The following MYO1H variants were observed in gnomAD, a reference collection of about 807,000 sequenced individuals.
The protein encoded by MYO1H is unconventional myosin-Ih.
In MYO1H, 118 loss-of-function variants were observed where a neutral mutation model predicts 149.3. The ratio of observed to expected loss-of-function variants is 0.79; its 90% confidence interval spans 0.68 to 0.92. The LOEUF is 0.92. Ranked by LOEUF, MYO1H falls within the 40% of genes least tolerant of loss-of-function variation. MYO1H has a pLI of 0.00. For synonymous variants in MYO1H, 447 were observed against 465.2 expected (o/e 0.96, Z 0.50); for missense variants, 1,212 against 1,280.7 (o/e 0.95, Z 0.82).
At chr12:109,350,361 T>C (rs1868439121) in intron 1 of MYO1H, among the ~76,000 whole-genome samples, 1 of 152,106 alleles carries the variant, frequency 6.6e-6, no homozygotes, top group African/African-American at 2.4e-5. Context: ...CGGTGGGAGA[T>C]TATCGAATCA....
At chr12:109,319,509 G>A in the MYO1H span, among the ~76,000 whole-genome samples, 1 of 152,228 alleles carries the variant, frequency 6.6e-6, no homozygotes, top group Non-Finnish European at 1.5e-5. Flanking sequence ...TGCACAAGGT[G>A]AATGTAACAC....
rs755042189 is a variant in MYO1H, at chr12:109,403,966, A to G, written c.751-16A>G. 12 of 1,601,002 alleles carry G rather than the reference A, an allele frequency of 7.5e-6. No individual in the cohort carries two copies. Among genetic ancestry groups the G allele is most frequent in the African/African-American group, 4.0e-5 (3 of 74,664 alleles). On this transcript the variant is annotated splice_polypyrimidine_tract_variant and intron_variant, in intron 6 of 31. Transcript: ENST00000310903. ...TATAAAAATGACATTAAGTGACTCA[A>G]ACTTTTTGTCAACAGGGTCATTGTG...
Position 109,436,557 on chromosome 12 carries a change from GTAAGAA to G in MYO1H, c.2209+3_2209+8del. On this transcript the variant is annotated splice_donor_variant and splice_donor_5th_base_variant and intron_variant, in intron 22 of 31. Coordinates refer to ENST00000310903, the Ensembl canonical transcript of MYO1H. LOFTEE classifies it high-confidence loss of function. ...GAATACGTGAAAAAAAGACAAGCAG[GTAAGAA>G]TTAAATAGAAACAAATAAGTTTGCT... The G allele has an allele frequency of 6.2e-7, 1 of 1,601,458 alleles. No homozygotes were observed. The highest frequency in any genetic ancestry group is 8.5e-7 in the Non-Finnish European group (1 of 1,172,962).
the MYO1H span, among the ~76,000 whole-genome samples, chr12:109,324,743 T>C: frequency 6.6e-6 from 1 of 152,124 alleles, no homozygotes. Flanking sequence ...CAGGATACGT[T>C]TGCAGAATGT....
chr12:109,361,876 G>C (rs1244372806), intron 1 of MYO1H, among the ~76,000 whole-genome samples: 2 of 149,240 alleles, frequency 1.3e-5, no homozygotes, highest in Non-Finnish European at 3.0e-5. Flanking sequence ...ATGCTTTGCT[G>C]TGCAACACTA....
intron 13 of MYO1H, 126 bp from the exon 14 acceptor site, chr12:109,411,768 A>G: frequency 1.6e-6 from 1 of 622,454 alleles, no homozygotes; most frequent in Non-Finnish European, 2.8e-6. Context: ...CAGAATGTTC[A>G]CCTGCACTTA....
At chr12:109,390,190 A>G (rs1240209112) in intron 2 of MYO1H, among the ~76,000 whole-genome samples, 3 of 149,022 alleles carry the variant, frequency 2.0e-5, no homozygotes, top group African/African-American at 7.4e-5. Context: ...TTGGAGAACG[A>G]TTTTAGCGTA....
the MYO1H span, among the ~76,000 whole-genome samples, chr12:109,313,271 CA>C: frequency 6.6e-6 from 1 of 151,972 alleles, no homozygotes; most frequent in Admixed American, 6.6e-5. Context: ...AAAAAAACCC[CA>C]CAAGTTCTCA....
At chr12:109,329,286 G>A in the MYO1H span, among the ~76,000 whole-genome samples, 1 of 152,130 alleles carries the variant, frequency 6.6e-6, no homozygotes, top group African/African-American at 2.4e-5. Context: ...ATTGTCCACG[G>A]CTGCTTTTCA....
intron 13 of MYO1H, 21 bp downstream of exon 13, chr12:109,410,789 A>G (rs756536653): frequency 1.7e-5 from 25 of 1,431,398 alleles, no homozygotes; most frequent in Non-Finnish European, 2.2e-5. Flanking sequence ...TGAATGTTGC[A>G]TTAGAGCTAT....
chr12:109,323,504 C>T, the MYO1H span, among the ~76,000 whole-genome samples: 1 of 152,332 alleles, frequency 6.6e-6, no homozygotes, highest in South Asian at 2.1e-4. Flanking sequence ...AGCCCTGTTT[C>T]TCAAACTTGC....
chr12:109,397,174 C>T (rs566846900), intron 4 of MYO1H, among the ~76,000 whole-genome samples: 2 of 152,172 alleles, frequency 1.3e-5, no homozygotes, highest in East Asian at 1.9e-4. Context: ...AAAAAACACA[C>T]AGCAGAATTA....
At chr12:109,440,546 G>C (rs1366048661) in intron 24 of MYO1H, 198 bp from the exon 25 acceptor site, 1 of 553,720 alleles carries the variant, frequency 1.8e-6, no homozygotes, top group Non-Finnish European at 3.3e-6. Flanking sequence ...ATTCAAGTTT[G>C]AGAATCATTC....
chr12:109,442,376 C>A, intron 27 of MYO1H, 104 bp downstream of exon 27: 3 of 849,870 alleles, frequency 3.5e-6, no homozygotes, highest in Non-Finnish European at 3.9e-6. Flanking sequence ...TGCAGGGGTG[C>A]AGCTGGGCAG....
chr12:109,414,429 A>T lies in MYO1H; in HGVS notation c.1503-1097A>T, dbSNP rs983252464. 3.4e-4 allele frequency among the ~76,000 whole-genome samples: 51 copies of T among 148,654 alleles called. No individual in the cohort carries two copies. In the Admixed American group the frequency reaches 3.5e-3, roughly 10 times the overall value. On this transcript the variant is annotated intron_variant, in intron 14 of 31. Transcript: ENST00000310903. ...GAGGTGGAGGTTGCAGTAAGCCGAGATCACACCACTGCACTCCCGCCTGGG... is the reference window on the plus strand; with the variant it reads ...GAGGTGGAGGTTGCAGTAAGCCGAGTTCACACCACTGCACTCCCGCCTGGG...
intron 15 of MYO1H, among the ~76,000 whole-genome samples, chr12:109,417,855 G>T (rs950435494): frequency 6.6e-6 from 1 of 151,096 alleles, no homozygotes; most frequent in East Asian, 2.0e-4. Flanking sequence ...TCGCTCTGTC[G>T]CCCAGACTGG....
chr12:109,424,359 G>T (rs574670536), intron 16 of MYO1H, among the ~76,000 whole-genome samples: 1 of 152,238 alleles, frequency 6.6e-6, no homozygotes, highest in South Asian at 2.1e-4. Context: ...TTGCCATGTT[G>T]CCCAGGCTGG....
intron 1 of MYO1H, among the ~76,000 whole-genome samples, chr12:109,361,717 G>A (rs1868751853): frequency 6.6e-6 from 1 of 151,072 alleles, no homozygotes; most frequent in South Asian, 2.1e-4. Context: ...GCTGAGGCAG[G>A]AGGATCACTT....
chr12:109,334,776 TGA>T, the MYO1H span, among the ~76,000 whole-genome samples: 39 of 152,346 alleles, frequency 2.6e-4, no homozygotes, highest in Admixed American at 2.3e-3. Context: ...AAAGCTTTAT[TGA>T]GAGAGAATTC....
Sources: gnomAD v4.1 joint callset for allele counts (sites outside exome capture counted in the v4.1 genomes callset) on GRCh38, gnomAD v4.1.1 for gene constraint, MANE v1.5 for transcripts, NCBI Gene and HGNC (gene_info 2026-07-23, HGNC 2026-07-21) for gene names.